The following GRM8 variants were observed in gnomAD, a reference collection of about 807,000 sequenced individuals.
GRM8 encodes glutamate metabotropic receptor 8.
A neutral mutation model predicts 87.2 loss-of-function variants in GRM8; 47 were observed. That is an observed-to-expected ratio of 0.54 (90% confidence interval 0.43 to 0.69). The LOEUF is 0.69. Among genes scored for constraint, GRM8 ranks in the 30% least tolerant of loss-of-function variants. The pLI, the probability that GRM8 is intolerant of heterozygous loss-of-function variation, is 0.00. For missense variants in GRM8, 1,019 were observed against 1,139.2 expected (o/e 0.89, Z 1.52); for synonymous variants, 396 against 404.5 (o/e 0.98, Z 0.25).
chr7:126,864,562 T>C (rs1039927176), intron 6 of GRM8, among the ~76,000 whole-genome samples: 22 of 152,184 alleles, frequency 1.4e-4, no homozygotes, highest in African/African-American at 5.3e-4. Context: ...AACCTTTAAG[T>C]CTATACTTAT....
intron 6 of GRM8, among the ~76,000 whole-genome samples, chr7:126,861,509 A>ACTAGTATTTG (rs1211161307): frequency 6.6e-6 from 1 of 151,922 alleles, no homozygotes; most frequent in African/African-American, 2.4e-5. Context: ...TTCTCCCACC[A>ACTAGTATTTG]CTAGTATTTG....
rs17869661 is a variant in GRM8, at chr7:127,166,302, C to G, written c.511-59590G>C. Among the ~76,000 whole-genome samples, 1,102 of 152,208 alleles carry G rather than the reference C, an allele frequency of 7.2e-3. 11 individuals are homozygous for G. Among genetic ancestry groups the G allele is most frequent in the African/African-American group, 0.025 (1,031 of 41,536 alleles). On this transcript the variant is annotated intron_variant, in intron 2 of 10. Transcript: ENST00000339582. ...ATTTTTTTTCCTTCTTCTTTATGCA[C>G]AAGGCCCCAGATCACTCAAGATTAG...
rs1330158318 is a variant in GRM8, at chr7:126,668,159, G to A, written c.1358-58661C>T. On this transcript the variant is annotated intron_variant, in intron 7 of 10. Transcript: ENST00000339582. ...CAACCCAGCGGGAAGTGCTCTAGCG[G>A]GGATTCTGGGCTTGTGAGAGTCCCT... Among the ~76,000 whole-genome samples the A allele has an allele frequency of 4.6e-5, 7 of 152,224 alleles. No individual in the cohort carries two copies. In the South Asian group the frequency reaches 1.5e-3, roughly 32 times the overall value.
intron 7 of GRM8, among the ~76,000 whole-genome samples, chr7:126,722,965 AATATATAATTTACATATATT>A (rs1168980994): frequency 6.9e-6 from 1 of 144,690 alleles, no homozygotes; most frequent in Non-Finnish European, 1.5e-5. Flanking sequence ...AATATATGTA[AATATATAATTTACATATATT>A]ATATATAATT....
intron 6 of GRM8, among the ~76,000 whole-genome samples, chr7:126,827,331 T>C (rs1794915244): frequency 1.3e-5 from 2 of 152,090 alleles, no homozygotes; most frequent in African/African-American, 4.8e-5. Flanking sequence ...CATGATATTT[T>C]CTTCCCATCC....
At chr7:126,607,212 G>T (rs1034918904) in intron 8 of GRM8, among the ~76,000 whole-genome samples, 1 of 152,158 alleles carries the variant, frequency 6.6e-6, no homozygotes, top group Non-Finnish European at 1.5e-5. Context: ...GCAGAACAAT[G>T]GATAAGATTT....
At chr7:126,618,601 G>T (rs1216935406) in intron 7 of GRM8, among the ~76,000 whole-genome samples, 4 of 151,998 alleles carry the variant, frequency 2.6e-5, no homozygotes, top group Admixed American at 6.6e-5. Context: ...ACCTACAGAA[G>T]GGGAGAAAAT....
In GRM8 at chr7:127,015,001, A is replaced by G. The variant is rs190895289; in HGVS notation, c.727+91495T>C. ...GAAGGAGAAGAGGAAGAAGAAGAAG[A>G]AAGAAGAAGAAGAAGAAGAAGAAGA... On this transcript the variant is annotated intron_variant, in intron 3 of 10. Coordinates refer to ENST00000339582, the MANE Select transcript of GRM8 (RefSeq NM_000845.3). Among the ~76,000 whole-genome samples the G allele has an allele frequency of 1.1e-3, 67 of 59,702 alleles. 1 individual carries two copies. Among genetic ancestry groups the G allele is most frequent in the African/African-American group, 3.7e-3 (62 of 16,748 alleles). The allele number at this position is 59,702 out of a possible 152,430, so 39.2% of individuals were successfully genotyped here. A position where few individuals can be genotyped will look rare whatever the true frequency, so the allele number is the denominator to read the frequency against.
At chr7:127,082,065 G>A (rs1822930037) in intron 3 of GRM8, 1 of 152,100 alleles carries the variant, frequency 6.6e-6, no homozygotes, top group Non-Finnish European at 1.5e-5. Context: ...AGAGTCAGTG[G>A]GTACACACTG....
intron 3 of GRM8, among the ~76,000 whole-genome samples, chr7:127,022,818 G>A (rs769060659): frequency 6.6e-6 from 1 of 152,074 alleles, no homozygotes; most frequent in Non-Finnish European, 1.5e-5. Context: ...CTAGAAGGCA[G>A]TGTAGCATAG....
intron 8 of GRM8, among the ~76,000 whole-genome samples, chr7:126,583,160 A>G (rs1368974382): frequency 6.6e-6 from 1 of 152,154 alleles, no homozygotes; most frequent in Non-Finnish European, 1.5e-5. Flanking sequence ...GTTTGAGACC[A>G]GCCTGGCCAA....
intron 2 of GRM8, among the ~76,000 whole-genome samples, chr7:127,119,255 G>A (rs575399902): frequency 2.0e-4 from 30 of 152,272 alleles, no homozygotes; most frequent in African/African-American, 6.7e-4. Flanking sequence ...TTGGGAGGCC[G>A]AGTTGGGATT....
At chr7:126,473,602 A>T (rs1805558530) in intron 9 of GRM8, among the ~76,000 whole-genome samples, 1 of 152,198 alleles carries the variant, frequency 6.6e-6, no homozygotes, top group South Asian at 2.1e-4. Flanking sequence ...GAGTTAAGAC[A>T]TTAGTGGACT....
chr7:126,846,574 G>A (rs1408555587), intron 6 of GRM8, among the ~76,000 whole-genome samples: 1 of 152,192 alleles, frequency 6.6e-6, no homozygotes, highest in Non-Finnish European at 1.5e-5. Flanking sequence ...CCCTGGAGTT[G>A]AATAATATGT....
chr7:126,654,177 G>A (rs921578064), intron 7 of GRM8, among the ~76,000 whole-genome samples: 3 of 152,166 alleles, frequency 2.0e-5, no homozygotes, highest in African/African-American at 4.8e-5. Context: ...TAGGTGAGGT[G>A]ACAAGTGTGA....
At chr7:126,606,001 T>G (rs1313548267) in intron 8 of GRM8, among the ~76,000 whole-genome samples, 3 of 152,228 alleles carry the variant, frequency 2.0e-5, no homozygotes, top group Admixed American at 1.3e-4. Flanking sequence ...TAACAGAGTA[T>G]GAGCACAGAC....
intron 6 of GRM8, among the ~76,000 whole-genome samples, chr7:126,780,403 T>C (rs1819930355): frequency 6.6e-6 from 1 of 151,904 alleles, no homozygotes; most frequent in Non-Finnish European, 1.5e-5. Context: ...GTCAGAAGAG[T>C]GTTGAAAAGA....
At chr7:126,912,363 T>C (rs1803404499) in intron 3 of GRM8, among the ~76,000 whole-genome samples, 1 of 152,222 alleles carries the variant, frequency 6.6e-6, no homozygotes, top group African/African-American at 2.4e-5. Flanking sequence ...TCAGCCTGAC[T>C]GCTTGAGCTG....
At position 126,959,030 on chromosome 7, in the gene GRM8, C is replaced by T. The variant is rs1348031950; in HGVS notation, c.728-54347G>A. 2.6e-5 allele frequency among the ~76,000 whole-genome samples: 4 copies of T among 152,068 alleles called. No individual in the cohort carries two copies. In the South Asian group the frequency reaches 8.3e-4, roughly 32 times the overall value. On this transcript the variant is annotated intron_variant, in intron 3 of 10. Transcript: ENST00000339582. ...CTTCAGAAACATGGAAAAAATTTAA[C>T]CTGGGTAGAAGGAAGGAGAAATCTG...
Sources: allele counts gnomAD v4.1 joint callset (sites outside exome capture counted in the v4.1 genomes callset), GRCh38; gene constraint gnomAD v4.1.1; transcripts MANE v1.5; gene names NCBI Gene and HGNC (gene_info 2026-07-23, HGNC 2026-07-21).